The following IQCE variants were observed in gnomAD, a reference collection of about 807,000 sequenced individuals.
The protein encoded by IQCE is IQ motif containing E.
In IQCE, 115 loss-of-function variants were observed where a neutral mutation model predicts 96.0. The observed-to-expected ratio is 1.20, with a 90% CI of 1.03 to 1.40. The LOEUF (loss-of-function observed/expected upper bound fraction) is 1.40. Ranked by LOEUF, IQCE falls within the 40% of genes most tolerant of loss-of-function variation. The pLI, the probability that IQCE is intolerant of heterozygous loss-of-function variation, is 0.00. For missense variants in IQCE, 1,041 were observed against 909.1 expected (o/e 1.15, Z -1.87); for synonymous variants, 412 against 371.2 (o/e 1.11, Z -1.26).
At chr7:2,577,232 A>C (rs1180043564) in intron 6 of IQCE, among the ~76,000 whole-genome samples, 1 of 150,816 alleles carries the variant, frequency 6.6e-6, no homozygotes, top group Non-Finnish European at 1.5e-5. Context: ...GTGTGTGTGC[A>C]GTGGTGTGTG....
At chr7:2,592,798 G>A (rs555645863) in intron 14 of IQCE, among the ~76,000 whole-genome samples, 17 of 152,300 alleles carry the variant, frequency 1.1e-4, no homozygotes, top group Admixed American at 2.0e-4. Flanking sequence ...GGCTTAGTCC[G>A]GTTGATCCCC....
At chr7:2,598,740 A>G (rs1451297494) in intron 17 of IQCE, 108 bp downstream of exon 17, 3 of 963,678 alleles carry the variant, frequency 3.1e-6, no homozygotes, top group Non-Finnish European at 2.9e-6. Context: ...GCCAGGCCCC[A>G]GGTGTCTGAG....
At chr7:2,598,957 G>T (rs572381667) in intron 17 of IQCE, among the ~76,000 whole-genome samples, 3 of 152,208 alleles carry the variant, frequency 2.0e-5, no homozygotes, top group Non-Finnish European at 1.5e-5. Context: ...ACAGCACCGT[G>T]ACTGCACCTA....
chr7:2,600,003 A>C (rs546485192), intron 17 of IQCE, among the ~76,000 whole-genome samples: 1 of 152,206 alleles, frequency 6.6e-6, no homozygotes, highest in South Asian at 2.1e-4. Context: ...CATGTTGTCC[A>C]GACTGGTCTT....
chr7:2,559,983 A>AC lies in IQCE; in HGVS notation c.36+770dup, dbSNP rs768898409. Among the ~76,000 whole-genome samples the AC allele has an allele frequency of 3.3e-5, 5 of 151,694 alleles. No homozygotes were observed. In the East Asian group the frequency reaches 9.7e-4, roughly 29 times the overall value. ...AGACCAGCCTGGGCAACATCGCAAG[A>AC]CCCCATCTCTACAAAAAACCATCAC... On this transcript the variant is annotated intron_variant, in intron 1 of 21. Transcript: ENST00000402050.
chr7:2,589,451 A>C (rs1215997174), intron 13 of IQCE, among the ~76,000 whole-genome samples: 1 of 152,222 alleles, frequency 6.6e-6, no homozygotes, highest in Admixed American at 6.5e-5. Context: ...GTTCGGAAGC[A>C]CAGTGGGCAG....
At position 2,598,585 on chromosome 7, in the gene IQCE, G is replaced by A. The variant is rs376742346; in HGVS notation, c.1561G>A (p.Ala521Thr). ...CCCCTGCTCTGATGGGAGAAGAGAC[G>A]CCGCGGCCAGAGTCCTGCAGGCCCA... The part of the protein sequence containing the change: ...RSPCSDGRRD[A>T]AARVLQAQWK... Residue 521 changes from alanine to threonine, a missense_variant, in exon 17 of 22, where the codon GCC becomes ACC. By Grantham distance (58) the Ala-to-Thr change is moderately conservative. Transcript: ENST00000402050. 1.1e-5 allele frequency: 17 copies of A among 1,602,428 alleles called. No homozygotes were observed. The highest frequency in any genetic ancestry group is 6.7e-5 in the South Asian group (6 of 89,738).
At chr7:2,568,699 GC>G (rs1181641921) in intron 2 of IQCE, among the ~76,000 whole-genome samples, 1 of 152,178 alleles carries the variant, frequency 6.6e-6, no homozygotes, top group Non-Finnish European at 1.5e-5. Context: ...AACGTCAGGA[GC>G]CCGGGCCCGA....
At position 2,611,566 on chromosome 7, in the gene IQCE, C is replaced by T. The variant is rs1315939759; in HGVS notation, c.*1404C>T. ...CTGTGGCGGTCAGAAGGCCGATGGC[C>T]CCAACACAGTGGCTTGTGAAAGGGA... On this transcript the variant is annotated 3_prime_UTR_variant, in exon 22 of 22. Coordinates refer to ENST00000402050, the MANE Select transcript of IQCE (RefSeq NM_152558.5). 1.3e-5 allele frequency: 2 copies of T among 152,264 alleles called. No individual in the cohort carries two copies. The highest frequency in any genetic ancestry group is 2.9e-5 in the Non-Finnish European group (2 of 68,098). The allele number at this position is 152,264 out of a possible 1,614,324, so 9.4% of individuals were successfully genotyped here.
chr7:2,575,712 G>A (rs1236061186), intron 6 of IQCE, among the ~76,000 whole-genome samples: 1 of 152,198 alleles, frequency 6.6e-6, no homozygotes, highest in African/African-American at 2.4e-5. Flanking sequence ...ACCTCTGGCT[G>A]GAGAGAAGAG....
intron 6 of IQCE, among the ~76,000 whole-genome samples, chr7:2,575,618 G>C (rs1336748878): frequency 6.6e-6 from 1 of 152,230 alleles, no homozygotes; most frequent in East Asian, 1.9e-4. Flanking sequence ...CTGTGGGGAG[G>C]ACTGTGGTGT....
chr7:2,601,066 C>G (rs529052473), intron 17 of IQCE, among the ~76,000 whole-genome samples: 2 of 152,300 alleles, frequency 1.3e-5, no homozygotes, highest in South Asian at 2.1e-4. Flanking sequence ...GCACAGTGGT[C>G]CGGACACCTG....
At chr7:2,582,339 A>C (rs1311248438) in intron 8 of IQCE, among the ~76,000 whole-genome samples, 1 of 152,212 alleles carries the variant, frequency 6.6e-6, no homozygotes, top group Non-Finnish European at 1.5e-5. Context: ...CAGTGTGCCC[A>C]CGATGGCTGC....
intron 20 of IQCE, among the ~76,000 whole-genome samples, chr7:2,606,263 G>C (rs913370817): frequency 6.6e-6 from 1 of 152,188 alleles, no homozygotes; most frequent in Non-Finnish European, 1.5e-5. Flanking sequence ...GAGGAGATGA[G>C]AAGAGGAGCT....
intron 15 of IQCE, among the ~76,000 whole-genome samples, chr7:2,593,849 A>G (rs1387435105): frequency 6.6e-6 from 1 of 152,182 alleles, no homozygotes; most frequent in East Asian, 1.9e-4. Flanking sequence ...ATACCCTTTA[A>G]AATAGTGAAT....
chr7:2,596,500 A>G (rs1383759169), intron 16 of IQCE, among the ~76,000 whole-genome samples: 1 of 148,654 alleles, frequency 6.7e-6, no homozygotes, highest in Admixed American at 6.8e-5. Flanking sequence ...AAACATTTCT[A>G]TTTTAGAGAA....
intron 13 of IQCE, among the ~76,000 whole-genome samples, chr7:2,588,254 G>A (rs1447433413): frequency 6.6e-6 from 1 of 152,180 alleles, no homozygotes; most frequent in Non-Finnish European, 1.5e-5. Flanking sequence ...AGGCAGAAAT[G>A]TCGGGAAATG....
chr7:2,600,493 C>T lies in IQCE; in HGVS notation c.1609-948C>T, dbSNP rs920201480. On this transcript the variant is annotated intron_variant, in intron 17 of 21. Coordinates refer to ENST00000402050, the MANE Select transcript of IQCE (RefSeq NM_152558.5). ...CCCCTTGTGGTCTTAGTGTCCTTCCCGTCACAGCTGTCTCCGTCTGAAAAG... is the reference window on the plus strand; with the variant it reads ...CCCCTTGTGGTCTTAGTGTCCTTCCTGTCACAGCTGTCTCCGTCTGAAAAG... Among the ~76,000 whole-genome samples, 20 of 152,334 alleles carry T rather than the reference C, an allele frequency of 1.3e-4. 1 individual carries two copies. Among genetic ancestry groups the T allele is most frequent in the South Asian group, 4.1e-4 (2 of 4,832 alleles).
rs771596780 is a variant in IQCE, at chr7:2,584,332, T to C, written c.824+47T>C. The C allele has an allele frequency of 9.0e-6, 14 of 1,559,120 alleles. No individual in the cohort carries two copies. In the South Asian group the frequency reaches 1.6e-4, roughly 17 times the overall value. ...TGTGTTTTGTGTGTTGCCTTCACGT[T>C]GTGGAAGCTCCTCTGAGAATGTGTG... On this transcript the variant is annotated intron_variant, in intron 11 of 21. Coordinates refer to ENST00000402050, the MANE Select transcript of IQCE (RefSeq NM_152558.5).
Sources: allele counts gnomAD v4.1 joint callset (sites outside exome capture counted in the v4.1 genomes callset), GRCh38; gene constraint gnomAD v4.1.1; transcripts MANE v1.5; gene names NCBI Gene and HGNC (gene_info 2026-07-23, HGNC 2026-07-21).